The following SAR1A variants were observed in gnomAD, a reference collection of about 807,000 sequenced individuals.
SAR1A encodes secretion associated Ras related GTPase 1A, also known as small COPII coat GTPase SAR1A.
SAR1A carries 6 observed loss-of-function variants against 22.6 expected under a neutral mutation model. That is an observed-to-expected ratio of 0.27 (90% confidence interval 0.15 to 0.52). The LOEUF (loss-of-function observed/expected upper bound fraction) is 0.52. Ranked by LOEUF, SAR1A falls within the 20% of genes least tolerant of loss-of-function variation. SAR1A has a pLI of 0.96. For synonymous variants in SAR1A, 70 were observed against 82.2 expected, an observed-to-expected ratio of 0.85 and a Z score of 0.80; for missense variants, 145 against 245.1, an observed-to-expected ratio of 0.59 and a Z score of 2.73.
chr10:70,155,073 G>T lies in SAR1A; in HGVS notation c.349-1104C>A, dbSNP rs762226577. On this transcript the variant is annotated intron_variant, in intron 5 of 6. Coordinates refer to ENST00000373241, the MANE Select transcript of SAR1A (RefSeq NM_020150.5). ...ATGCAGCGACAAAGTAAATGGATGAGAAGAGATGACTCACATTAGGGGCCA... is the reference window on the plus strand; with the variant it reads ...ATGCAGCGACAAAGTAAATGGATGATAAGAGATGACTCACATTAGGGGCCA... 4 of 524,566 alleles carry T rather than the reference G, an allele frequency of 7.6e-6. No individual in the cohort carries two copies. In the African/African-American group the frequency reaches 7.7e-5, roughly 10 times the overall value. The allele number at this position is 524,566 out of a possible 1,614,324, so 32.5% of individuals were successfully genotyped here. A position where few individuals can be genotyped will look rare whatever the true frequency, so the allele number is the denominator to read the frequency against.
intron 1 of SAR1A, among the ~76,000 whole-genome samples, chr10:70,167,824 T>C (rs943759468): frequency 1.3e-5 from 2 of 152,254 alleles, no homozygotes; most frequent in African/African-American, 4.8e-5. Flanking sequence ...ATTTCTTTTT[T>C]GCCTTTTCAA....
chr10:70,160,111 C>A (rs759379567), intron 4 of SAR1A, among the ~76,000 whole-genome samples: 20 of 150,024 alleles, frequency 1.3e-4, no homozygotes, highest in Middle Eastern at 3.4e-3. Flanking sequence ...ATAAAGGATG[C>A]AAAAATGACT....
chr10:70,154,316 T>C (rs1564569023), intron 5 of SAR1A, among the ~76,000 whole-genome samples: 3 of 152,222 alleles, frequency 2.0e-5, no homozygotes, highest in Non-Finnish European at 4.4e-5. Flanking sequence ...ATGAATGCTC[T>C]GGCTACAGAG....
intron 1 of SAR1A, among the ~76,000 whole-genome samples, chr10:70,169,422 C>T (rs1380279957): frequency 2.6e-5 from 4 of 152,190 alleles, no homozygotes; most frequent in African/African-American, 9.7e-5. Context: ...TACCACCTTA[C>T]GAGAAGTTAA....
At chr10:70,155,529 T>C (rs947007770) in intron 5 of SAR1A, among the ~76,000 whole-genome samples, 4 of 152,182 alleles carry the variant, frequency 2.6e-5, no homozygotes, top group Admixed American at 1.3e-4. Context: ...ATGTGTCTAA[T>C]GCTTTGCTAG....
chr10:70,156,046 G>T (rs1418994253), intron 5 of SAR1A, among the ~76,000 whole-genome samples: 2 of 152,160 alleles, frequency 1.3e-5, no homozygotes, highest in Non-Finnish European at 2.9e-5. Flanking sequence ...CAGATTTGTG[G>T]ACTGCATGTC....
chr10:70,161,562 C>T, intron 3 of SAR1A, 57 bp downstream of exon 3: 2 of 1,588,312 alleles, frequency 1.3e-6, no homozygotes, highest in South Asian at 1.1e-5. Flanking sequence ...GATTCATCCT[C>T]CACGCCTAAC....
intron 5 of SAR1A, among the ~76,000 whole-genome samples, chr10:70,156,935 A>G (rs1440254752): frequency 6.6e-6 from 1 of 152,192 alleles, no homozygotes; most frequent in East Asian, 1.9e-4. Flanking sequence ...GTGAGTCCTT[A>G]ATAGTATCAA....
chr10:70,161,773 T>C, intron 2 of SAR1A, 35 bp from the exon 3 acceptor site: 1 of 1,613,334 alleles, frequency 6.2e-7, no homozygotes, highest in South Asian at 1.1e-5. Flanking sequence ...ACATTTGCTC[T>C]CTACAGACCA....
At chr10:70,167,252 G>A (rs1369308361) in intron 1 of SAR1A, among the ~76,000 whole-genome samples, 2 of 152,034 alleles carry the variant, frequency 1.3e-5, no homozygotes, top group African/African-American at 4.8e-5. Context: ...CTGAATTTTT[G>A]CTTTAGTATC....
chr10:70,167,791 A>T (rs1839572636), intron 1 of SAR1A, among the ~76,000 whole-genome samples: 1 of 152,228 alleles, frequency 6.6e-6, no homozygotes, highest in South Asian at 2.1e-4. Flanking sequence ...CTAGGCTCTT[A>T]CGAAAAAATA....
chr10:70,154,778 G>A (rs74450460), intron 5 of SAR1A, among the ~76,000 whole-genome samples: 4,417 of 152,196 alleles, frequency 0.029, 90 homozygotes, highest in East Asian at 0.058. Context: ...TGTTAACAAA[G>A]CCAAGTAAGA....
At position 70,150,143 on chromosome 10, in the gene SAR1A, G is replaced by A. The variant is rs1405707985; in HGVS notation, c.*2333C>T. The stretch of plus-strand genomic sequence containing the variant: ...CTTTTGGTTGCCTCCCCAAATAAAC[G>A]GCATTGTTCAAACTCAGAGCTCAGA... On this transcript the variant is annotated 3_prime_UTR_variant, in exon 7 of 7. Transcript: ENST00000373241. 4 of 150,988 alleles carry A rather than the reference G, an allele frequency of 2.6e-5. No homozygotes were observed. The highest frequency in any genetic ancestry group is 6.6e-5 in the Admixed American group (1 of 15,196). The allele number at this position is 150,988 out of a possible 1,614,324, so 9.4% of individuals were successfully genotyped here.
At chr10:70,157,071 G>A (rs1839397845) in intron 5 of SAR1A, among the ~76,000 whole-genome samples, 1 of 152,106 alleles carries the variant, frequency 6.6e-6, no homozygotes, top group Admixed American at 6.6e-5. Flanking sequence ...CTCTAATATC[G>A]CTTTTAGGCT....
rs1564567858 is a variant in SAR1A, at chr10:70,150,287, A to G, written c.*2189T>C. ...ACTGTTTTACTTTTCCTGAAGTAGG[A>G]CATATATGCACTCTGATAAAACAGA... On this transcript the variant is annotated 3_prime_UTR_variant, in exon 7 of 7. Coordinates refer to ENST00000373241, the MANE Select transcript of SAR1A (RefSeq NM_020150.5). 1 of 152,252 alleles carries G rather than the reference A, an allele frequency of 6.6e-6. No individual in the cohort carries two copies. The highest frequency in any genetic ancestry group is 1.5e-5 in the Non-Finnish European group (1 of 68,042). 9.4% of individuals were successfully genotyped at this position (152,252 alleles called of 1,614,324 possible).
chr10:70,163,822 C>G (rs1277261927), intron 1 of SAR1A: 9 of 1,484,416 alleles, frequency 6.1e-6, no homozygotes, highest in Non-Finnish European at 6.6e-6. Flanking sequence ...CCCACAGAAG[C>G]AGAGTTACAG....
At chr10:70,161,972 T>A (rs1307274685) in intron 1 of SAR1A, 41 bp from the exon 2 acceptor site, 35 of 1,401,826 alleles carry the variant, frequency 2.5e-5, no homozygotes, top group Non-Finnish European at 3.5e-5. Flanking sequence ...GCTTTCTGAA[T>A]GACAGTACAA....
At position 70,151,259 on chromosome 10, in the gene SAR1A, C is replaced by CAAAAAAAAAAAAAAAAAAAAAAA. The variant is rs201493587; in HGVS notation, c.*1194_*1216dup. ...GCAATGGAGAAAGACAATTTCATAC[C>CAAAAAAAAAAAAAAAAAAAAAAA]AAAAAAAAAAAAAAAAAAAAAAAAA... On this transcript the variant is annotated 3_prime_UTR_variant, in exon 7 of 7. Transcript: ENST00000373241. 2.3e-4 allele frequency: 16 copies of CAAAAAAAAAAAAAAAAAAAAAAA among 70,358 alleles called. No individual in the cohort carries two copies. The highest frequency in any genetic ancestry group is 3.4e-4 in the Non-Finnish European group (13 of 38,018). 4.4% of individuals were successfully genotyped at this position (70,358 alleles called of 1,614,324 possible).
At chr10:70,155,647 G>A (rs1189588391) in intron 5 of SAR1A, among the ~76,000 whole-genome samples, 3 of 152,204 alleles carry the variant, frequency 2.0e-5, no homozygotes, top group Non-Finnish European at 4.4e-5. Context: ...CATTGGTAAG[G>A]TGGGAGTCTA....
Sources: allele counts gnomAD v4.1 joint callset (sites outside exome capture counted in the v4.1 genomes callset), GRCh38; gene constraint gnomAD v4.1.1; transcripts MANE v1.5; gene names NCBI Gene and HGNC (gene_info 2026-07-23, HGNC 2026-07-21).